The following MGAM2 variants were observed in gnomAD, a reference collection of about 807,000 sequenced individuals.
MGAM2 encodes the protein maltase-glucoamylase 2 (putative), also known as probable maltase-glucoamylase 2.
In MGAM2, 98 loss-of-function variants were observed where a neutral mutation model predicts 96.1. That is an observed-to-expected ratio of 1.02 (90% CI 0.87 to 1.21). MGAM2 has a LOEUF of 1.21. MGAM2 is among the 50% of genes most tolerant of loss of function. The pLI, the probability that MGAM2 is intolerant of heterozygous loss-of-function variation, is 0.00. For synonymous variants in MGAM2, 749 were observed against 414.8 expected (o/e 1.81, Z -9.79); for missense variants, 2,055 against 1,182.4 (o/e 1.74, Z -10.82).
chr7:142,200,387 G>C (rs1393567919), intron 45 of MGAM2, among the ~76,000 whole-genome samples: 3 of 152,206 alleles, frequency 2.0e-5, no homozygotes, highest in Non-Finnish European at 2.9e-5. Flanking sequence ...GCAATTTAGA[G>C]GTTAGAAAAT....
chr7:142,159,747 G>T (rs1282018426), intron 20 of MGAM2, among the ~76,000 whole-genome samples: 8 of 152,090 alleles, frequency 5.3e-5, no homozygotes, highest in Non-Finnish European at 8.8e-5. Flanking sequence ...AATTTTGAGG[G>T]TACACCAGCA....
At position 142,198,642 on chromosome 7, in the gene MGAM2, A is replaced by T. The variant is rs1484796853; in HGVS notation, c.4951A>T (p.Arg1651Trp). The change falls in exon 44 of 48, where the codon AGG becomes TGG. Residue 1651 changes from arginine (R) to tryptophan (W), a missense_variant. Arg to Trp is a moderately radical substitution (Grantham distance 101). Transcript: ENST00000477922. ...TGTSSTSTGQ[R>W]KILKAPLDHI... is the part of the protein sequence containing the mutation. ...AACTAGCAGCACATCAACAGGTCAG[A>T]GGAAAATCCTGAAGGCTCCCCTTGA... 1 of 703,310 alleles carries T rather than the reference A, an allele frequency of 1.4e-6. No individual in the cohort carries two copies. 43.6% of individuals were successfully genotyped at this position (703,310 alleles called of 1,614,324 possible). A position where few individuals can be genotyped will look rare whatever the true frequency, so the allele number is the denominator to read the frequency against.
chr7:142,221,966 T>C lies in MGAM2; in HGVS notation c.7455T>C (p.Ala2485=). ...TTDTTNITKY[A]LNTTTPDSTV... ...ATACTACAAATATTACAAAATATGC[T>C]TTAAATACTACCACTCCTGATAGTA... The change falls in exon 48 of 48, where the codon GCT becomes GCC. Residue 2485 remains alanine, a synonymous_variant. Coordinates refer to ENST00000477922, the MANE Select transcript of MGAM2 (RefSeq NM_001293626.2). 1.8e-5 allele frequency: 7 copies of C among 399,406 alleles called. No homozygotes were observed. Among genetic ancestry groups the C allele is most frequent in the Non-Finnish European group, 3.1e-5 (7 of 226,626 alleles). The allele number at this position is 399,406 out of a possible 1,614,324, so 24.7% of individuals were successfully genotyped here. A position where few individuals can be genotyped will look rare whatever the true frequency, so the allele number is the denominator to read the frequency against.
chr7:142,135,994 T>C (rs1283423750), intron 7 of MGAM2, among the ~76,000 whole-genome samples: 2 of 152,176 alleles, frequency 1.3e-5, no homozygotes, highest in East Asian at 3.9e-4. Context: ...TTGATTGAGT[T>C]ATAATTCATA....
chr7:142,138,241 A>G (rs74827221), intron 9 of MGAM2, among the ~76,000 whole-genome samples: 16,415 of 152,252 alleles, frequency 0.11, 1,056 homozygotes, highest in South Asian at 0.19. Flanking sequence ...CCAAGTGCCC[A>G]TATTAGCCCT....
intron 12 of MGAM2, among the ~76,000 whole-genome samples, chr7:142,143,272 G>C (rs1795287197): frequency 6.6e-6 from 1 of 152,092 alleles, no homozygotes; most frequent in Non-Finnish European, 1.5e-5. Flanking sequence ...AGACAGAAAA[G>C]GGAGGTAGAA....
intron 17 of MGAM2, among the ~76,000 whole-genome samples, chr7:142,156,756 C>T (rs962199462): frequency 1.3e-5 from 2 of 152,046 alleles, no homozygotes; most frequent in Admixed American, 1.3e-4. Context: ...AAATGGGCCT[C>T]TTAGGGAGCA....
chr7:142,125,880 A>G (rs1794721009), intron 3 of MGAM2, among the ~76,000 whole-genome samples: 1 of 152,250 alleles, frequency 6.6e-6, no homozygotes, highest in Admixed American at 6.5e-5. Flanking sequence ...ATAGTTATGT[A>G]CAGAACAAAA....
intron 12 of MGAM2, among the ~76,000 whole-genome samples, chr7:142,142,694 T>C (rs1299798790): frequency 6.6e-6 from 1 of 151,914 alleles, no homozygotes; most frequent in Non-Finnish European, 1.5e-5. Flanking sequence ...GAATTACAGG[T>C]GCCTGCCACC....
rs1795827575 is a variant in MGAM2, at chr7:142,159,462, T to C, written c.2220+119T>C. The C allele has an allele frequency of 4.8e-6, 3 of 623,370 alleles. No homozygotes were observed. In the Admixed American group the frequency reaches 7.2e-5, roughly 15 times the overall value. 38.6% of individuals were successfully genotyped at this position (623,370 alleles called of 1,614,324 possible). A position where few individuals can be genotyped will look rare whatever the true frequency, so the allele number is the denominator to read the frequency against. On this transcript the variant is annotated intron_variant, in intron 20 of 47. Coordinates refer to ENST00000477922, the MANE Select transcript of MGAM2 (RefSeq NM_001293626.2). ...TACAAGATTTATAGTTAGTTGATTG[T>C]GGTCCTTTTTCTGTGAGAAAGGCAT...
At chr7:142,194,954 AGTT>A (rs1386258293) in intron 37 of MGAM2, among the ~76,000 whole-genome samples, 3 of 152,198 alleles carry the variant, frequency 2.0e-5, no homozygotes, top group South Asian at 2.1e-4. Flanking sequence ...TCCCTCACAC[AGTT>A]GTTGTTATTT....
At chr7:142,203,513 G>A (rs1797303952) in intron 45 of MGAM2, among the ~76,000 whole-genome samples, 1 of 151,948 alleles carries the variant, frequency 6.6e-6, no homozygotes, top group Non-Finnish European at 1.5e-5. Flanking sequence ...AAATTCCTAT[G>A]GAACCAGAAA....
At chr7:142,161,039 A>T in intron 21 of MGAM2, 86 bp from the exon 22 acceptor site, 1 of 655,988 alleles carries the variant, frequency 1.5e-6, no homozygotes, top group Non-Finnish European at 2.8e-6. Context: ...CTCTTGGATT[A>T]TCTGTCCCTG....
chr7:142,186,791 A>G (rs1796712139), intron 35 of MGAM2, among the ~76,000 whole-genome samples: 1 of 152,184 alleles, frequency 6.6e-6, no homozygotes, highest in Admixed American at 6.5e-5. Flanking sequence ...TCCAGAGACA[A>G]AAGTCCACTG....
At chr7:142,135,723 T>TACACACACAC (rs144830276) in intron 7 of MGAM2, among the ~76,000 whole-genome samples, 5,507 of 145,108 alleles carry the variant, frequency 0.038, 106 homozygotes, top group African/African-American at 0.048. Flanking sequence ...CACTTAGAGT[T>TACACACACAC]ACACACACAC....
intron 9 of MGAM2, 28 bp from the exon 10 acceptor site, chr7:142,138,514 A>G: frequency 2.9e-6 from 2 of 698,412 alleles, no homozygotes; most frequent in Non-Finnish European, 5.2e-6. Context: ...GTTATTCTCA[A>G]AGCCTACACA....
At chr7:142,112,037 TGTGTGTG>T (rs1817190575) in intron 1 of MGAM2, among the ~76,000 whole-genome samples, 1 of 143,372 alleles carries the variant, frequency 7.0e-6, no homozygotes, top group African/African-American at 2.5e-5. Flanking sequence ...TGTGTGTGTG[TGTGTGTG>T]GTGTCAGTGT....
rs1795516036 is a variant in MGAM2 at position 142,149,872 on chromosome 7, C to T, written c.1634+2299C>T. ...GGATGTTTTGTAGTACCTCAAATAG[C>T]ATTCACCTTGCTCTGTTACCTGTTT... On this transcript the variant is annotated intron_variant, in intron 15 of 47. Transcript: ENST00000477922. Among the ~76,000 whole-genome samples the T allele has an allele frequency of 2.0e-5, 3 of 151,838 alleles. No homozygotes were observed. The South Asian group carries it at 6.2e-4, about 32-fold the overall frequency.
intron 9 of MGAM2, 40 bp from the exon 10 acceptor site, chr7:142,138,502 A>C (rs1795124992): frequency 1.4e-6 from 1 of 693,198 alleles, no homozygotes; most frequent in Non-Finnish European, 2.6e-6. Flanking sequence ...AATGGGGCTA[A>C]TGTTATTCTC....
Sources: gnomAD v4.1 joint callset for allele counts (sites outside exome capture counted in the v4.1 genomes callset) on GRCh38, gnomAD v4.1.1 for gene constraint, MANE v1.5 for transcripts, NCBI Gene and HGNC (gene_info 2026-07-23, HGNC 2026-07-21) for gene names.